DLGAP2: variants seen among roughly 807,000 people sequenced by gnomAD.
The protein encoded by DLGAP2 is disks large-associated protein 2.
Under a neutral mutation model 100.3 loss-of-function variants are expected in DLGAP2, and 26 were observed. That is an observed-to-expected ratio of 0.26 (90% CI 0.19 to 0.36). The LOEUF is 0.36. DLGAP2 is among the 10% of genes least tolerant of loss of function. The pLI is 1.00. For missense variants in DLGAP2, 1,858 were observed against 1,453.2 expected, an observed-to-expected ratio of 1.28 and a Z score of -4.53; for synonymous variants, 886 against 630.1, an observed-to-expected ratio of 1.41 and a Z score of -6.08.
intron 2 of DLGAP2, among the ~76,000 whole-genome samples, chr8:1,233,301 A>G (rs568943760): frequency 1.3e-5 from 2 of 152,272 alleles, no homozygotes; most frequent in Admixed American, 6.5e-5. Flanking sequence ...TTCACTGAAT[A>G]TTTGCCACGT....
chr8:1,366,413 A>G (rs917743053), intron 3 of DLGAP2, among the ~76,000 whole-genome samples: 2 of 152,204 alleles, frequency 1.3e-5, no homozygotes, highest in East Asian at 3.9e-4. Flanking sequence ...GAGAGAACCA[A>G]GCGCACTGTG....
chr8:1,303,829 G>T (rs1031805057), intron 3 of DLGAP2, among the ~76,000 whole-genome samples: 1 of 152,172 alleles, frequency 6.6e-6, no homozygotes, highest in South Asian at 2.1e-4. Flanking sequence ...GAGAAGGCGG[G>T]ACTCCCGGGA....
intron 2 of DLGAP2, among the ~76,000 whole-genome samples, chr8:1,168,627 G>T (rs997790443): frequency 1.3e-5 from 2 of 148,548 alleles, no homozygotes; most frequent in African/African-American, 5.0e-5. Flanking sequence ...TTCTCTGATG[G>T]CCAGTGATGG....
chr8:1,108,746 G>A (rs986840953), intron 2 of DLGAP2, among the ~76,000 whole-genome samples: 3 of 132,966 alleles, frequency 2.3e-5, no homozygotes, highest in African/African-American at 5.8e-5. Flanking sequence ...CCTATGAAGT[G>A]TGCTGGGTCT....
In DLGAP2 at chr8:985,892, T is replaced by G. The variant is rs572263773; in HGVS notation, c.73+77926T>G. ...CACCTGACAAACCCCCTGTTTCAGC[T>G]CCTCGATGAAACCCTCTTCCTGGGC... is the stretch of plus-strand genomic sequence containing the variant. On this transcript the variant is annotated intron_variant, in intron 2 of 14. Transcript: ENST00000637795. Among the ~76,000 whole-genome samples the G allele has an allele frequency of 2.0e-5, 3 of 152,168 alleles. No homozygotes were observed. In the East Asian group the frequency reaches 5.8e-4, roughly 29 times the overall value.
intron 3 of DLGAP2, among the ~76,000 whole-genome samples, chr8:1,457,469 A>G (rs1423141242): frequency 6.6e-6 from 1 of 152,216 alleles, no homozygotes; most frequent in Non-Finnish European, 1.5e-5. Context: ...TCCTAGAAAC[A>G]TAGGTTTGTA....
intron 3 of DLGAP2, among the ~76,000 whole-genome samples, chr8:1,271,184 A>G (rs1799575278): frequency 6.6e-6 from 1 of 152,192 alleles, no homozygotes; most frequent in Non-Finnish European, 1.5e-5. Flanking sequence ...AAAGGAGAAA[A>G]TAACATGAAT....
At chr8:1,007,170 C>G (rs572361157) in intron 2 of DLGAP2, among the ~76,000 whole-genome samples, 1 of 152,150 alleles carries the variant, frequency 6.6e-6, no homozygotes, top group Non-Finnish European at 1.5e-5. Flanking sequence ...TATATGAAGT[C>G]TCGGGATGTG....
chr8:1,515,024 G>A (rs747328551), intron 4 of DLGAP2, among the ~76,000 whole-genome samples: 3 of 151,508 alleles, frequency 2.0e-5, no homozygotes, highest in South Asian at 2.1e-4. Context: ...GAGGGAGACC[G>A]ACGTGCAGGG....
chr8:1,425,065 T>C (rs895170239), intron 3 of DLGAP2, among the ~76,000 whole-genome samples: 51 of 152,358 alleles, frequency 3.3e-4, no homozygotes, highest in African/African-American at 1.2e-3. Context: ...AAAAATTTTT[T>C]GCACTTAGTT....
chr8:780,099 T>C (rs941425669), intron 1 of DLGAP2, among the ~76,000 whole-genome samples: 2 of 152,200 alleles, frequency 1.3e-5, no homozygotes, highest in Non-Finnish European at 2.9e-5. Context: ...CACTAAGCCT[T>C]AGTCTAAACT....
intron 7 of DLGAP2, among the ~76,000 whole-genome samples, chr8:1,627,507 C>G (rs1407510101): frequency 6.6e-6 from 1 of 152,234 alleles, no homozygotes; most frequent in Non-Finnish European, 1.5e-5. Context: ...GTGAAAAAAT[C>G]GGCAAGTGTC....
At position 1,483,817 on chromosome 8, in the gene DLGAP2, C is replaced by T. The variant is rs1108068; in HGVS notation, c.107-17549C>T. 5.1e-3 allele frequency among the ~76,000 whole-genome samples: 770 copies of T among 152,190 alleles called. 6 individuals carry two copies. The highest frequency in any genetic ancestry group is 0.018 in the African/African-American group (730 of 41,544). ...GGCTGCCAGGAGCAGCCACAGACCA[C>T]AGGGCTTTTGTAAGGGTCTGGGAGC... On this transcript the variant is annotated intron_variant, in intron 3 of 14. Transcript: ENST00000637795.
chr8:1,683,888 G>GTATACACATATATGTGTATATATA (rs1563061173), intron 12 of DLGAP2, among the ~76,000 whole-genome samples: 4 of 108,706 alleles, frequency 3.7e-5, no homozygotes, highest in African/African-American at 1.6e-4. Flanking sequence ...GTGTGTGTGT[G>GTATACACATATATGTGTATATATA]TGTGTGTGTA....
intron 3 of DLGAP2, among the ~76,000 whole-genome samples, chr8:1,424,049 T>C (rs1412894646): frequency 3.3e-5 from 5 of 152,156 alleles, no homozygotes; most frequent in African/African-American, 1.2e-4. Context: ...GGATGGAGGT[T>C]CTCCTCCTGT....
Position 1,215,527 on chromosome 8 carries a change from G to C in DLGAP2, c.74-43324G>C, listed in dbSNP as rs11774390. Among the ~76,000 whole-genome samples the C allele has an allele frequency of 0.016, 5 of 308 alleles. No homozygotes were observed. The African/African-American group carries it at 0.29, about 18-fold the overall frequency. The allele number at this position is 308 out of a possible 152,430, so 0.2% of individuals were successfully genotyped here. ...ATCACCTGGAGACGTCCAGGTACCT[G>C]GATGGGTTCATTTGGGTGCATCACC... On this transcript the variant is annotated intron_variant, in intron 2 of 14. Coordinates refer to ENST00000637795, the MANE Select transcript of DLGAP2 (RefSeq NM_001346810.2).
chr8:1,003,600 G>GCTCA (rs1247957428), intron 2 of DLGAP2, among the ~76,000 whole-genome samples: 17 of 152,348 alleles, frequency 1.1e-4, no homozygotes, highest in African/African-American at 4.1e-4. Context: ...GGTTGCCCAG[G>GCTCA]CTCAGCTGGG....
At chr8:1,128,462 G>T (rs1796219711) in intron 2 of DLGAP2, among the ~76,000 whole-genome samples, 1 of 152,228 alleles carries the variant, frequency 6.6e-6, no homozygotes, top group African/African-American at 2.4e-5. Context: ...GGGCTTAGAT[G>T]TACAGACCCT....
At chr8:1,167,171 C>G (rs1410904780) in intron 2 of DLGAP2, among the ~76,000 whole-genome samples, 1 of 152,050 alleles carries the variant, frequency 6.6e-6, no homozygotes, top group African/African-American at 2.4e-5. Context: ...TTTGTAAAAG[C>G]CTCCTGACTT....
Sources: gnomAD v4.1 joint callset for allele counts (sites outside exome capture counted in the v4.1 genomes callset) on GRCh38, gnomAD v4.1.1 for gene constraint, MANE v1.5 for transcripts, NCBI Gene and HGNC (gene_info 2026-07-23, HGNC 2026-07-21) for gene names.